Variants in PDE8A observed in about 807,000 individuals in gnomAD.
PDE8A encodes the protein high affinity cAMP-specific and IBMX-insensitive 3',5'-cyclic phosphodiesterase 8A.
A neutral mutation model predicts 105.0 loss-of-function variants in PDE8A; 59 were observed. That is an observed-to-expected ratio of 0.56 (90% CI 0.46 to 0.70). PDE8A has a LOEUF of 0.70. Ranked by LOEUF, PDE8A falls within the 30% of genes least tolerant of loss-of-function variation. The pLI is 0.00. For missense variants in PDE8A, 1,014 were observed against 1,045.9 expected (o/e 0.97, Z 0.42); for synonymous variants, 355 against 371.9 (o/e 0.95, Z 0.52).
intron 1 of PDE8A, chr15:85,063,619 T>C (rs1336674753): frequency 2.0e-5 from 3 of 152,250 alleles, no homozygotes; most frequent in African/African-American, 7.2e-5. Flanking sequence ...ACTTGCTGTG[T>C]GGTCTTAATG....
chr15:85,123,893 G>A (rs1205984105), intron 19 of PDE8A, among the ~76,000 whole-genome samples: 1 of 152,176 alleles, frequency 6.6e-6, no homozygotes, highest in Non-Finnish European at 1.5e-5. Flanking sequence ...TTTTAGATAA[G>A]CTAACTTTAG....
chr15:84,981,222 A>G (rs530524357), upstream of PDE8A, among the ~76,000 whole-genome samples: 32 of 152,294 alleles, frequency 2.1e-4, no homozygotes, highest in African/African-American at 7.0e-4. Flanking sequence ...TGGGTAGCCC[A>G]GTCGGGCGCC....
At chr15:85,108,288 C>T (rs1326688485) in intron 11 of PDE8A, among the ~76,000 whole-genome samples, 4 of 152,196 alleles carry the variant, frequency 2.6e-5, no homozygotes, top group Non-Finnish European at 5.9e-5. Context: ...GAAGCCAAGA[C>T]AAGGCAGAGA....
chr15:85,067,163 C>G lies in PDE8A; in HGVS notation c.393C>G (p.Asp131Glu). The change falls in exon 3 of 22, where the codon GAC becomes GAG. Residue 131 changes from aspartate (D) to glutamate (E), a missense_variant. Asp to Glu is a conservative substitution (Grantham distance 45). Coordinates refer to ENST00000394553, the MANE Select transcript of PDE8A (RefSeq NM_002605.3). ...AACATCATGACATTATCATCATAGACCACAGAAATCCTCGACAGCTGGATG... is the reference window on the plus strand; with the variant it reads ...AACATCATGACATTATCATCATAGAGCACAGAAATCCTCGACAGCTGGATG... The part of the protein sequence containing the change: ...LDKHHDIIII[D>E]HRNPRQLDAE... 2 of 1,613,934 alleles carry G rather than the reference C, an allele frequency of 1.2e-6. No individual in the cohort carries two copies.
At chr15:85,064,072 G>A (rs2081185705) in intron 1 of PDE8A, 1 of 277,138 alleles carries the variant, frequency 3.6e-6, no homozygotes, top group Admixed American at 4.8e-5. Context: ...CAAATGAGAA[G>A]TTGAGGCTGA....
At chr15:85,117,411 T>G (rs2082112968) in intron 16 of PDE8A, among the ~76,000 whole-genome samples, 1 of 152,086 alleles carries the variant, frequency 6.6e-6, no homozygotes, top group Non-Finnish European at 1.5e-5. Context: ...GAGGCTGAGG[T>G]CAGAGCTGCT....
At chr15:85,002,987 CTG>C (rs1346389571) in intron 1 of PDE8A, among the ~76,000 whole-genome samples, 1 of 151,896 alleles carries the variant, frequency 6.6e-6, no homozygotes, top group Non-Finnish European at 1.5e-5. Flanking sequence ...TTTGGTATTT[CTG>C]TGTTTTTCAT....
rs1026636362 is a variant in PDE8A at position 85,099,946 on chromosome 15, A to G, written c.942-69A>G. ...AAAGGGAGGTGCCATTTTCGTAATGAAAAATTAACGACATATCCATCAAAT... is the reference window on the plus strand; with the variant it reads ...AAAGGGAGGTGCCATTTTCGTAATGGAAAATTAACGACATATCCATCAAAT... On this transcript the variant is annotated intron_variant, in intron 9 of 21. Transcript: ENST00000394553. 3 of 1,323,320 alleles carry G rather than the reference A, an allele frequency of 2.3e-6. No homozygotes were observed. In the Admixed American group the frequency reaches 6.2e-5, roughly 27 times the overall value. The allele number at this position is 1,323,320 out of a possible 1,614,324, so 82.0% of individuals were successfully genotyped here.
At chr15:84,999,557 G>A (rs971463768) in intron 1 of PDE8A, among the ~76,000 whole-genome samples, 10 of 151,562 alleles carry the variant, frequency 6.6e-5, no homozygotes, top group African/African-American at 2.4e-4. Flanking sequence ...CTTTTTTGTT[G>A]TTGTTGTTGT....
intron 14 of PDE8A, 151 bp from the exon 15 acceptor site, chr15:85,115,288 A>G: frequency 1.7e-6 from 1 of 590,788 alleles, no homozygotes; most frequent in Non-Finnish European, 3.0e-6. Context: ...GTGGTCAATC[A>G]CAGGGGTGGA....
chr15:85,022,543 T>C (rs1022728366), intron 1 of PDE8A, among the ~76,000 whole-genome samples: 1 of 28,900 alleles, frequency 3.5e-5, no homozygotes, highest in African/African-American at 1.2e-4. Context: ...ATGCAAAATT[T>C]TTTTTTTTTT....
At chr15:85,112,505 G>A (rs1436104155) in intron 12 of PDE8A, among the ~76,000 whole-genome samples, 1 of 152,134 alleles carries the variant, frequency 6.6e-6, no homozygotes, top group Non-Finnish European at 1.5e-5. Flanking sequence ...ATGGAAAGTT[G>A]GCAATCCTAT....
chr15:85,012,091 C>A (rs1567228071), intron 1 of PDE8A, among the ~76,000 whole-genome samples: 1 of 152,174 alleles, frequency 6.6e-6, no homozygotes, highest in East Asian at 1.9e-4. Flanking sequence ...CACTTTTACA[C>A]TGTTGGTGGG....
chr15:85,023,049 T>C (rs2080454974), intron 1 of PDE8A, among the ~76,000 whole-genome samples: 1 of 152,108 alleles, frequency 6.6e-6, no homozygotes, highest in Non-Finnish European at 1.5e-5. Flanking sequence ...GAACGGACAC[T>C]CAGGAGGAAG....
chr15:84,988,116 C>T (rs572482707), intron 1 of PDE8A, among the ~76,000 whole-genome samples: 1 of 152,254 alleles, frequency 6.6e-6, no homozygotes, highest in Admixed American at 6.5e-5. Flanking sequence ...TCCTTTCAAC[C>T]CTGTGAGGTG....
chr15:85,017,311 C>G (rs1359446420), intron 1 of PDE8A, among the ~76,000 whole-genome samples: 4 of 151,726 alleles, frequency 2.6e-5, no homozygotes, highest in East Asian at 1.9e-4. Context: ...TGATATGTTT[C>G]TTATATAGCC....
intron 12 of PDE8A, among the ~76,000 whole-genome samples, chr15:85,112,297 TG>T (rs2082032410): frequency 6.6e-6 from 1 of 152,228 alleles, no homozygotes. Context: ...TTCATTTTTT[TG>T]TGGTGAGAAC....
chr15:85,007,812 A>T (rs769247834), intron 1 of PDE8A, among the ~76,000 whole-genome samples: 1 of 152,138 alleles, frequency 6.6e-6, no homozygotes, highest in Non-Finnish European at 1.5e-5. Flanking sequence ...GCGAATATGT[A>T]TGAGGGAGAA....
rs569505422 is a variant in PDE8A, at chr15:85,108,239, G to A, written c.1037-814G>A. On this transcript the variant is annotated intron_variant, in intron 11 of 21. Coordinates refer to ENST00000394553, the MANE Select transcript of PDE8A (RefSeq NM_002605.3). ...AAGGAAGTGCTAAGGGCCTACATTCGGATCCTGTACATGAGCAGGGAGAGA... is the reference window on the plus strand; with the variant it reads ...AAGGAAGTGCTAAGGGCCTACATTCAGATCCTGTACATGAGCAGGGAGAGA... Among the ~76,000 whole-genome samples, 5 of 152,288 alleles carry A rather than the reference G, an allele frequency of 3.3e-5. No individual in the cohort carries two copies. The South Asian group carries it at 8.3e-4, about 25-fold the overall frequency.
Sources: allele counts gnomAD v4.1 joint callset (sites outside exome capture counted in the v4.1 genomes callset), GRCh38; gene constraint gnomAD v4.1.1; transcripts MANE v1.5; gene names NCBI Gene and HGNC (gene_info 2026-07-23, HGNC 2026-07-21).